Variants in HIP1 observed in about 807,000 individuals in gnomAD.
HIP1 encodes the protein huntingtin interacting protein 1.
In HIP1, 65 loss-of-function variants were observed where a neutral mutation model predicts 147.6. The ratio of observed to expected loss-of-function variants is 0.44; its 90% CI spans 0.36 to 0.54. The LOEUF (loss-of-function observed/expected upper bound fraction) is 0.54, where lower values mean the gene tolerates loss of function less well. Ranked by LOEUF, HIP1 falls within the 20% of genes least tolerant of loss-of-function variation. The pLI, the probability that HIP1 is intolerant of heterozygous loss-of-function variation, is 0.00. For synonymous variants in HIP1, 479 were observed against 504.0 expected (o/e 0.95, Z 0.67); for missense variants, 1,061 against 1,299.6 (o/e 0.82, Z 2.82).
chr7:75,677,827 A>AAAAC (rs367968819), intron 1 of HIP1, among the ~76,000 whole-genome samples: 54 of 151,956 alleles, frequency 3.6e-4, no homozygotes, highest in Middle Eastern at 3.4e-3. Context: ...CCTCTGCCTG[A>AAAAC]AAACAAACAA....
chr7:75,591,406 G>T (rs1165695372), intron 4 of HIP1, among the ~76,000 whole-genome samples: 2 of 152,080 alleles, frequency 1.3e-5, no homozygotes, highest in Admixed American at 6.6e-5. Flanking sequence ...TGGGGTGATT[G>T]TGGTGTGTGT....
chr7:75,622,897 A>C lies in HIP1; in HGVS notation c.121-23650T>G, dbSNP rs587737218. 1.2e-3 allele frequency among the ~76,000 whole-genome samples: 167 copies of C among 136,752 alleles called. 1 individual carries two copies. Among genetic ancestry groups the C allele is most frequent in the Admixed American group, 2.7e-3 (37 of 13,460 alleles). The allele number at this position is 136,752 out of a possible 152,430, so 89.7% of individuals were successfully genotyped here. Reference sequence around the variant, plus strand: ...TCTATCTATCTATCTATCTATCTATATATTTTTTAAAGGAAATTGGCTGGG... The same window carrying C: ...TCTATCTATCTATCTATCTATCTATCTATTTTTTAAAGGAAATTGGCTGGG... On this transcript the variant is annotated intron_variant, in intron 1 of 30. Transcript: ENST00000336926.
intron 1 of HIP1, among the ~76,000 whole-genome samples, chr7:75,680,901 G>A (rs1361533805): frequency 3.3e-5 from 5 of 151,996 alleles, no homozygotes; most frequent in African/African-American, 1.2e-4. Flanking sequence ...TCAGCCTCCC[G>A]AGTAGCTGGG....
chr7:75,610,806 C>T (rs1797404909), intron 1 of HIP1, among the ~76,000 whole-genome samples: 1 of 149,982 alleles, frequency 6.7e-6, no homozygotes, highest in Admixed American at 6.7e-5. Flanking sequence ...AGTTCAAGAC[C>T]AGCCTGGGCA....
intron 6 of HIP1, among the ~76,000 whole-genome samples, 175 bp from the exon 7 acceptor site, chr7:75,581,473 G>GT (rs1235643978): frequency 1.3e-5 from 2 of 152,198 alleles, no homozygotes; most frequent in Non-Finnish European, 2.9e-5. Flanking sequence ...ATGCAGCCTG[G>GT]TGAAGTCAAC....
At chr7:75,630,853 G>A (rs1798188536) in intron 1 of HIP1, among the ~76,000 whole-genome samples, 1 of 152,186 alleles carries the variant, frequency 6.6e-6, no homozygotes, top group Non-Finnish European at 1.5e-5. Flanking sequence ...TTTCCCTGAA[G>A]TTTTCAGATT....
chr7:75,721,411 A>T (rs542389011), intron 1 of HIP1, among the ~76,000 whole-genome samples: 1 of 152,122 alleles, frequency 6.6e-6, no homozygotes, highest in South Asian at 2.1e-4. Flanking sequence ...ACACATCTGT[A>T]GTCCCAGCTA....
chr7:75,557,130 C>T (rs1422920921), intron 16 of HIP1, among the ~76,000 whole-genome samples: 1 of 151,944 alleles, frequency 6.6e-6, no homozygotes, highest in Non-Finnish European at 1.5e-5. Flanking sequence ...CCTCCACCTC[C>T]AAGGTTCAAG....
At position 75,586,821 on chromosome 7, in the gene HIP1, C is replaced by T. The variant is rs764439983; in HGVS notation, c.397G>A (p.Glu133Lys). The T allele has an allele frequency of 5.6e-6, 9 of 1,612,216 alleles. No individual in the cohort carries two copies. The highest frequency in any genetic ancestry group is 1.1e-5 in the South Asian group (1 of 90,942). Residue 133 changes from glutamate (E) to lysine (K), a missense_variant, in exon 5 of 31, where the codon GAG (glutamate) becomes AAG (lysine). Glu to Lys is a moderately conservative substitution (Grantham distance 56). Around this residue, in one of 3 missense-constraint regions of HIP1, gnomAD observed 225 missense variants for 292.9 expected, o/e 0.77. Transcript: ENST00000336926. ...ATGCTGCACAGCTGGCCATACCCCT[C>T]GCTCAGGTGGCCCTTTTAGGAAGAG... is the stretch of plus-strand genomic sequence containing the variant. ...DMSRMWGHLS[E>K]GYGQLCSIYL...
At chr7:75,627,928 G>T (rs1798098901) in intron 1 of HIP1, among the ~76,000 whole-genome samples, 1 of 152,168 alleles carries the variant, frequency 6.6e-6, no homozygotes, top group Non-Finnish European at 1.5e-5. Context: ...TAAATCTGGA[G>T]TCCAGGATTT....
intron 1 of HIP1, among the ~76,000 whole-genome samples, chr7:75,722,224 T>G (rs1554521592): frequency 1.3e-5 from 2 of 152,020 alleles, no homozygotes; most frequent in Non-Finnish European, 2.9e-5. Context: ...GTGGGAGGAT[T>G]GCTGGAGCCC....
intron 1 of HIP1, among the ~76,000 whole-genome samples, chr7:75,624,036 G>T (rs147177722): frequency 6.6e-6 from 1 of 152,140 alleles, no homozygotes; most frequent in Non-Finnish European, 1.5e-5. Flanking sequence ...AGCTATGATC[G>T]TGCCACTGCA....
In HIP1 at chr7:75,548,949, A is replaced by G; in HGVS notation, c.2348T>C (p.Val783Ala). 2 of 1,613,916 alleles carry G rather than the reference A, an allele frequency of 1.2e-6. 1 individual carries two copies. Among genetic ancestry groups the G allele is most frequent in the South Asian group, 2.2e-5 (2 of 91,074 alleles). Reference protein sequence around the residue: ...DIKQEELGDLVDKEMAATSAA... With the variant: ...DIKQEELGDLADKEMAATSAA... ...TGAAGTGGCCGCCATCTCCTTGTCC[A>G]CCAGGTCCCCCAGCTCCTCCTGCTT... The change falls in exon 23 of 31, where the codon GTG (valine) becomes GCG (alanine). Residue 783 changes from valine (V) to alanine (A), a missense_variant. By Grantham distance (64) the Val-to-Ala change is moderately conservative. Transcript: ENST00000336926.
At chr7:75,620,446 G>T (rs999917665) in intron 1 of HIP1, among the ~76,000 whole-genome samples, 2 of 151,766 alleles carry the variant, frequency 1.3e-5, no homozygotes, top group Admixed American at 1.3e-4. Flanking sequence ...CATCACTTTG[G>T]GAGGCCAAGG....
At chr7:75,652,332 C>T (rs973373247) in intron 1 of HIP1, among the ~76,000 whole-genome samples, 3 of 150,670 alleles carry the variant, frequency 2.0e-5, no homozygotes, top group Non-Finnish European at 3.0e-5. Flanking sequence ...AAAAAAAAAC[C>T]ACTATATGTA....
intron 1 of HIP1, chr7:75,639,051 C>T: frequency 1.0e-6 from 1 of 983,426 alleles, no homozygotes; most frequent in Non-Finnish European, 1.2e-6. Flanking sequence ...TCACACTTAC[C>T]ATCTTGCTCA....
At chr7:75,703,620 A>G (rs1554519383) in intron 1 of HIP1, among the ~76,000 whole-genome samples, 1 of 152,046 alleles carries the variant, frequency 6.6e-6, no homozygotes, top group Non-Finnish European at 1.5e-5. Context: ...AAAACAAAAC[A>G]AAACAACACA....
chr7:75,589,682 CCAAAAAAAAA>C (rs1796416585), intron 4 of HIP1, among the ~76,000 whole-genome samples: 1 of 28,592 alleles, frequency 3.5e-5, no homozygotes, highest in African/African-American at 3.4e-4. Context: ...GACTCTGTCT[CCAAAAAAAAA>C]AAAAAAAAAA....
chr7:75,623,251 G>A (rs1351703038), intron 1 of HIP1, among the ~76,000 whole-genome samples: 1 of 151,238 alleles, frequency 6.6e-6, no homozygotes, highest in Admixed American at 6.6e-5. Context: ...TCTGATGGTA[G>A]GTCGAGGAGA....
Sources: gnomAD v4.1 joint callset for allele counts (sites outside exome capture counted in the v4.1 genomes callset) on GRCh38, gnomAD v4.1.1 for gene constraint, gnomAD v4.1.1 regional missense constraint, MANE v1.5 for transcripts, NCBI Gene and HGNC (gene_info 2026-07-23, HGNC 2026-07-21) for gene names.